The following CEP70 variants were observed in gnomAD, a reference collection of about 807,000 sequenced individuals.
The protein encoded by CEP70 is centrosomal protein of 70 kDa.
In CEP70, 70 loss-of-function variants were observed where a neutral mutation model predicts 90.9. The ratio of observed to expected loss-of-function variants is 0.77; its 90% confidence interval spans 0.64 to 0.94. The LOEUF (loss-of-function observed/expected upper bound fraction) is 0.94. Ranked by LOEUF, CEP70 falls within the 40% of genes least tolerant of loss-of-function variation. The probability of loss-of-function intolerance (pLI) is 0.00; values close to 1 mark genes in which losing one functional copy is unlikely to be tolerated. For missense variants in CEP70, 648 were observed against 669.0 expected (o/e 0.97, Z 0.35); for synonymous variants, 220 against 228.3 (o/e 0.96, Z 0.33).
chr3:138,519,325 C>T (rs978990047), intron 11 of CEP70, among the ~76,000 whole-genome samples: 1 of 152,112 alleles, frequency 6.6e-6, no homozygotes, highest in Admixed American at 6.5e-5. Flanking sequence ...TCAGGAAATA[C>T]AGAGAATGCC....
intron 6 of CEP70, 101 bp from the exon 7 acceptor site, chr3:138,537,448 C>G (rs189313126): frequency 4.1e-6 from 3 of 727,568 alleles, no homozygotes; most frequent in African/African-American, 3.7e-5. Context: ...TTCTACTGAG[C>G]TGTTTCATTC....
chr3:138,517,586 G>A (rs552604846), intron 11 of CEP70, among the ~76,000 whole-genome samples: 3 of 152,242 alleles, frequency 2.0e-5, no homozygotes, highest in South Asian at 2.1e-4. Context: ...GGAGAATGGC[G>A]TGAGCCCAGG....
chr3:138,582,995 G>T (rs956123538), intron 2 of CEP70, among the ~76,000 whole-genome samples: 2 of 152,194 alleles, frequency 1.3e-5, no homozygotes, highest in Admixed American at 1.3e-4. Flanking sequence ...ACAGTAGTAA[G>T]TCCCTATTTG....
intron 11 of CEP70, among the ~76,000 whole-genome samples, chr3:138,510,387 C>T (rs557047968): frequency 2.0e-5 from 3 of 151,512 alleles, no homozygotes; most frequent in Non-Finnish European, 4.4e-5. Context: ...GAGGTGAGAT[C>T]GTGCCACTGC....
intron 2 of CEP70, among the ~76,000 whole-genome samples, chr3:138,587,913 A>G (rs1381028477): frequency 1.3e-5 from 2 of 152,234 alleles, no homozygotes; most frequent in African/African-American, 4.8e-5. Context: ...TAATGAAACT[A>G]AATAGATTCC....
chr3:138,520,800 T>A (rs1034320661), intron 11 of CEP70, among the ~76,000 whole-genome samples: 1 of 152,018 alleles, frequency 6.6e-6, no homozygotes, highest in African/African-American at 2.4e-5. Context: ...CTCTCCCTTT[T>A]CACGGTCTCC....
chr3:138,558,364 C>CA (rs1049816721), intron 6 of CEP70, among the ~76,000 whole-genome samples: 2 of 151,850 alleles, frequency 1.3e-5, no homozygotes, highest in African/African-American at 4.8e-5. Flanking sequence ...GACTCCGTCT[C>CA]AAAAAAGAAA....
chr3:138,563,025 A>G (rs1346179644), intron 6 of CEP70, among the ~76,000 whole-genome samples: 1 of 151,982 alleles, frequency 6.6e-6, no homozygotes, highest in Non-Finnish European at 1.5e-5. Context: ...AAGTAAATGG[A>G]AAGCAAAAAA....
At chr3:138,573,011 A>G (rs2041283219) in intron 2 of CEP70, 79 bp from the exon 3 acceptor site, 2 of 911,096 alleles carry the variant, frequency 2.2e-6, no homozygotes, top group Non-Finnish European at 3.5e-6. Flanking sequence ...AAAAAGTGCA[A>G]AAGGAGTTAA....
At chr3:138,511,009 T>G (rs2035483773) in intron 11 of CEP70, among the ~76,000 whole-genome samples, 1 of 149,986 alleles carries the variant, frequency 6.7e-6, no homozygotes, top group South Asian at 2.1e-4. Flanking sequence ...TATAGGCACA[T>G]GCCACCATGC....
At chr3:138,513,962 AAAC>A (rs1260851532) in intron 11 of CEP70, among the ~76,000 whole-genome samples, 2 of 150,968 alleles carry the variant, frequency 1.3e-5, no homozygotes, top group East Asian at 3.9e-4. Context: ...TAAAAAAAAA[AAAC>A]AAACAAACTC....
intron 11 of CEP70, among the ~76,000 whole-genome samples, chr3:138,518,040 G>A (rs998218603): frequency 1.1e-4 from 17 of 152,174 alleles, no homozygotes; most frequent in African/African-American, 3.4e-4. Context: ...ATTATATCCC[G>A]CACCTGGCTT....
chr3:138,572,986 T>A, intron 2 of CEP70, 54 bp from the exon 3 acceptor site: 2 of 1,283,722 alleles, frequency 1.6e-6, no homozygotes, highest in Non-Finnish European at 2.2e-6. Flanking sequence ...TTGAGTTGCC[T>A]AAATGAAAAA....
chr3:138,576,068 A>G (rs2041501637), intron 2 of CEP70, among the ~76,000 whole-genome samples: 1 of 152,194 alleles, frequency 6.6e-6, no homozygotes, highest in Non-Finnish European at 1.5e-5. Flanking sequence ...ACCAACTAAC[A>G]TCATAATGAC....
At chr3:138,572,799 G>A in intron 3 of CEP70, 60 bp downstream of exon 3, 1 of 1,072,260 alleles carries the variant, frequency 9.3e-7, no homozygotes. Context: ...CCTGTTTGTA[G>A]ATGTAGCATT....
intron 6 of CEP70, among the ~76,000 whole-genome samples, chr3:138,568,734 A>C (rs2040953131): frequency 6.6e-6 from 1 of 152,132 alleles, no homozygotes; most frequent in Non-Finnish European, 1.5e-5. Context: ...TAATCTCAGC[A>C]CTTTGGGAGG....
intron 2 of CEP70, among the ~76,000 whole-genome samples, chr3:138,588,621 T>C (rs2042225442): frequency 6.6e-6 from 1 of 152,246 alleles, no homozygotes; most frequent in African/African-American, 2.4e-5. Flanking sequence ...AGAACTCTCA[T>C]ATACTGCCGA....
At chr3:138,590,079 CTG>C (rs1361455321) in intron 2 of CEP70, among the ~76,000 whole-genome samples, 1 of 151,136 alleles carries the variant, frequency 6.6e-6, no homozygotes, top group East Asian at 1.9e-4. Flanking sequence ...TAGAGCATAA[CTG>C]TTAAAACAGA....
At chr3:138,587,525 G>C (rs1275204609) in intron 2 of CEP70, among the ~76,000 whole-genome samples, 1 of 151,536 alleles carries the variant, frequency 6.6e-6, no homozygotes, top group Non-Finnish European at 1.5e-5. Flanking sequence ...GCTCACACCT[G>C]TAATCCCAGC....
Sources: gnomAD v4.1 joint callset for allele counts (sites outside exome capture counted in the v4.1 genomes callset) on GRCh38, gnomAD v4.1.1 for gene constraint, MANE v1.5 for transcripts, NCBI Gene and HGNC (gene_info 2026-07-23, HGNC 2026-07-21) for gene names.